Variants in ATF7IP observed in about 807,000 individuals in gnomAD.
ATF7IP encodes activating transcription factor 7 interacting protein, also known as activating transcription factor 7-interacting protein 1.
ATF7IP carries 23 observed loss-of-function variants against 106.4 expected under a neutral mutation model. The ratio of observed to expected loss-of-function variants is 0.22; its 90% CI spans 0.16 to 0.31. The LOEUF (loss-of-function observed/expected upper bound fraction) is 0.31, where lower values mean the gene tolerates loss of function less well. Ranked by LOEUF, ATF7IP falls within the 10% of genes least tolerant of loss-of-function variation. The probability of loss-of-function intolerance (pLI) is 1.00; values close to 1 mark genes in which losing one functional copy is unlikely to be tolerated. For synonymous variants in ATF7IP, 542 were observed against 539.0 expected (o/e 1.01, Z -0.08); for missense variants, 1,334 against 1,524.3 (o/e 0.88, Z 2.08).
rs749253593 is a variant in ATF7IP, at chr12:14,457,255, C to T, written c.2118C>T (p.Ser706=). 16 of 1,613,562 alleles carry T rather than the reference C, an allele frequency of 9.9e-6. No homozygotes were observed. Among genetic ancestry groups the T allele is most frequent in the Middle Eastern group, 3.3e-4 (2 of 6,060 alleles). Residue 706 remains serine, a synonymous_variant, in exon 8 of 15, where the codon AGC becomes AGT. Coordinates refer to ENST00000261168, the MANE Select transcript of ATF7IP (RefSeq NM_018179.5). ...TGCTGGAGTCCAAAAGAAATGTAAG[C>T]GAGAGTGCACCACCATCCTTTCAAA... ...RQMLESKRNV[S]ESAPPSFQTP... is the part of the protein sequence containing the mutation.
At chr12:14,413,782 C>A (rs1941055127) in intron 1 of ATF7IP, among the ~76,000 whole-genome samples, 1 of 151,144 alleles carries the variant, frequency 6.6e-6, no homozygotes, top group Non-Finnish European at 1.5e-5. Context: ...GGTTTTTTTT[C>A]AAGGTGTTAA....
intron 13 of ATF7IP, among the ~76,000 whole-genome samples, chr12:14,487,714 A>G (rs957654748): frequency 3.3e-5 from 5 of 152,222 alleles, no homozygotes; most frequent in Non-Finnish European, 5.9e-5. Flanking sequence ...CTTTCTCTAT[A>G]GGAGATAACT....
chr12:14,437,884 T>A (rs1942482451), intron 4 of ATF7IP, among the ~76,000 whole-genome samples: 2 of 152,024 alleles, frequency 1.3e-5, no homozygotes, highest in Admixed American at 1.3e-4. Context: ...AAACCCCGTC[T>A]CTACTAAAAA....
At chr12:14,373,753 CTG>C (rs1938619703) in intron 1 of ATF7IP, among the ~76,000 whole-genome samples, 1 of 152,052 alleles carries the variant, frequency 6.6e-6, no homozygotes, top group South Asian at 2.1e-4. Flanking sequence ...TATAGTATAA[CTG>C]TATATTTTCC....
At position 14,502,201 on chromosome 12, in the gene ATF7IP, C is replaced by T. The variant is rs1462123419; in HGVS notation, c.*4128C>T. ...TTGCAATATCAAATAACTCTAAAACCGATGTGTGATTCTACCTTCCTTACT... is the reference window on the plus strand; with the variant it reads ...TTGCAATATCAAATAACTCTAAAACTGATGTGTGATTCTACCTTCCTTACT... On this transcript the variant is annotated 3_prime_UTR_variant, in exon 15 of 15. Coordinates refer to ENST00000261168, the MANE Select transcript of ATF7IP (RefSeq NM_018179.5). 12 of 152,120 alleles carry T rather than the reference C, an allele frequency of 7.9e-5. No homozygotes were observed. Among genetic ancestry groups the T allele is most frequent in the Admixed American group, 4.6e-4 (7 of 15,260 alleles). The allele number at this position is 152,120 out of a possible 1,614,324, so 9.4% of individuals were successfully genotyped here.
intron 1 of ATF7IP, among the ~76,000 whole-genome samples, chr12:14,407,617 A>G (rs921076350): frequency 1.1e-4 from 17 of 152,170 alleles, no homozygotes; most frequent in African/African-American, 3.9e-4. Context: ...AAGGAGTAAG[A>G]AATTTCAAGT....
At chr12:14,373,759 A>G (rs914584726) in intron 1 of ATF7IP, among the ~76,000 whole-genome samples, 7 of 151,986 alleles carry the variant, frequency 4.6e-5, no homozygotes, top group African/African-American at 1.7e-4. Flanking sequence ...ATAACTGTAT[A>G]TTTTCCATTG....
At chr12:14,415,341 C>T (rs889627916) in intron 1 of ATF7IP, among the ~76,000 whole-genome samples, 1 of 152,144 alleles carries the variant, frequency 6.6e-6, no homozygotes, top group Non-Finnish European at 1.5e-5. Flanking sequence ...ATGTTTTTAT[C>T]ATGTGGACCA....
chr12:14,502,215 A>G lies in ATF7IP; in HGVS notation c.*4142A>G, dbSNP rs1945177844. The G allele has an allele frequency of 2.0e-5, 3 of 152,288 alleles. No homozygotes were observed. Among genetic ancestry groups the G allele is most frequent in the South Asian group, 2.1e-4 (1 of 4,826 alleles). The allele number at this position is 152,288 out of a possible 1,614,324, so 9.4% of individuals were successfully genotyped here. A position where few individuals can be genotyped will look rare whatever the true frequency, so the allele number is the denominator to read the frequency against. On this transcript the variant is annotated 3_prime_UTR_variant, in exon 15 of 15. Transcript: ENST00000261168. ...AACTCTAAAACCGATGTGTGATTCT[A>G]CCTTCCTTACTATTTTTACTGGGCA...
At chr12:14,395,055 A>T (rs564537518) in intron 1 of ATF7IP, 2 of 151,700 alleles carry the variant, frequency 1.3e-5, no homozygotes, top group East Asian at 1.9e-4. Flanking sequence ...GTGAACCACT[A>T]TTTGAAAGGA....
At chr12:14,434,570 C>G in intron 3 of ATF7IP, 147 bp downstream of exon 3, 1 of 589,716 alleles carries the variant, frequency 1.7e-6, no homozygotes, top group African/African-American at 2.0e-5. Flanking sequence ...TGATGGCTAA[C>G]TGAAGGATTT....
chr12:14,476,730 A>G (rs756011757), intron 11 of ATF7IP, among the ~76,000 whole-genome samples: 52 of 151,820 alleles, frequency 3.4e-4, no homozygotes, highest in Non-Finnish European at 6.3e-4. Flanking sequence ...ATATGTATTC[A>G]TTTAATTTTG....
chr12:14,436,655 T>A (rs1300276363), intron 4 of ATF7IP, among the ~76,000 whole-genome samples: 1 of 152,032 alleles, frequency 6.6e-6, no homozygotes, highest in Non-Finnish European at 1.5e-5. Flanking sequence ...TCATGCCACT[T>A]CACTCCAGCC....
chr12:14,450,264 TC>T (rs1943149116), intron 6 of ATF7IP, among the ~76,000 whole-genome samples: 1 of 152,230 alleles, frequency 6.6e-6, no homozygotes. Flanking sequence ...AGGAAAGCTT[TC>T]GGTTTTTCAC....
At chr12:14,390,472 TTTTC>T (rs1198384598) in intron 1 of ATF7IP, among the ~76,000 whole-genome samples, 2 of 152,232 alleles carry the variant, frequency 1.3e-5, no homozygotes, top group African/African-American at 4.8e-5. Context: ...ATCAGTTCTG[TTTTC>T]TTTAAATGTT....
rs944118009 is a variant in ATF7IP, at chr12:14,424,224, G to C, written c.309G>C (p.Gln103His). Residue 103 changes from glutamine (Q) to histidine (H), a missense_variant, in exon 2 of 15, where the codon CAG (glutamine) becomes CAC (histidine). This residue lies in a region of ATF7IP where 438 missense variants were observed against 405.3 expected (regional missense o/e 1.08). Transcript: ENST00000261168. ...CILSVNVKNK[Q>H]DDDLNCEPLS... ...TAAGTGTTAATGTAAAAAACAAGCA[G>C]GATGATGATTTAAATTGTGAACCTT... 5.0e-6 allele frequency: 8 copies of C among 1,614,048 alleles called. No homozygotes were observed. The African/African-American group carries it at 9.3e-5, about 19-fold the overall frequency.
At chr12:14,404,839 A>ATTT (rs200440348) in intron 1 of ATF7IP, among the ~76,000 whole-genome samples, 47,419 of 151,820 alleles carry the variant, frequency 0.31, 8,967 homozygotes, top group Admixed American at 0.46. Context: ...GGCTTATTTG[A>ATTT]TATGATGATT....
chr12:14,442,045 T>G (rs1565515408), intron 5 of ATF7IP, among the ~76,000 whole-genome samples: 1 of 152,186 alleles, frequency 6.6e-6, no homozygotes, highest in Non-Finnish European at 1.5e-5. Context: ...AGGAAAAACT[T>G]CTGCAATTTT....
At chr12:14,411,431 A>C (rs913683851) in intron 1 of ATF7IP, among the ~76,000 whole-genome samples, 1 of 152,146 alleles carries the variant, frequency 6.6e-6, no homozygotes, top group Non-Finnish European at 1.5e-5. Context: ...AGAAAAACCT[A>C]ATGTAGGTGA....
Sources: allele counts gnomAD v4.1 joint callset (sites outside exome capture counted in the v4.1 genomes callset), GRCh38; gene constraint gnomAD v4.1.1; regional missense constraint gnomAD v4.1.1; transcripts MANE v1.5; gene names NCBI Gene and HGNC (gene_info 2026-07-23, HGNC 2026-07-21).